The following LPA variants were observed in gnomAD, a reference collection of about 807,000 sequenced individuals.
The protein encoded by LPA is lipoprotein(a).
LPA carries 199 observed loss-of-function variants against 197.9 expected under a neutral mutation model. The observed-to-expected ratio is 1.01, with a 90% CI of 0.90 to 1.13. LPA has a LOEUF of 1.13. Ranked by LOEUF, LPA falls within the 50% of genes most tolerant of loss-of-function variation. The pLI is 0.00. For missense variants in LPA, 1,853 were observed against 1,785.8 expected (o/e 1.04, Z -0.68); for synonymous variants, 715 against 639.5 (o/e 1.12, Z -1.78).
At chr6:160,575,961 T>C (rs1778646723) in intron 28 of LPA, among the ~76,000 whole-genome samples, 1 of 152,154 alleles carries the variant, frequency 6.6e-6, no homozygotes, top group Non-Finnish European at 1.5e-5. Flanking sequence ...TGTCTCTCAG[T>C]TCATCAAGAC....
At chr6:160,540,966 G>A in intron 35 of LPA, 141 bp downstream of exon 35, 1 of 734,882 alleles carries the variant, frequency 1.4e-6, no homozygotes, top group East Asian at 2.7e-5. Context: ...TGCATTCCCT[G>A]GTTCCTAGTG....
chr6:160,548,527 A>G lies in LPA; in HGVS notation c.5106T>C (p.Ala1702=). The change falls in exon 31 of 39, where the codon GCT becomes GCC. Residue 1702 remains alanine, a synonymous_variant. Coordinates refer to ENST00000316300, the MANE Select transcript of LPA (RefSeq NM_005577.4). ...TTGGAACCTGGATGACAGTCGGAGGAGCGACCACAGTCCCTTCTGTGTCTG... is the reference window on the plus strand; with the variant it reads ...TTGGAACCTGGATGACAGTCGGAGGGGCGACCACAGTCCCTTCTGTGTCTG... ...RCSDTEGTVV[A]PPTVIQVPSL... is the part of the protein sequence containing the mutation. The G allele has an allele frequency of 1.2e-6, 2 of 1,613,998 alleles. No homozygotes were observed. The highest frequency in any genetic ancestry group is 8.5e-7 in the Non-Finnish European group (1 of 1,180,002).
chr6:160,568,824 G>A (rs1778510481), intron 28 of LPA, among the ~76,000 whole-genome samples: 1 of 152,190 alleles, frequency 6.6e-6, no homozygotes, highest in Admixed American at 6.5e-5. Context: ...AAAATCACAA[G>A]CATTCCCATA....
intron 2 of LPA, among the ~76,000 whole-genome samples, chr6:160,648,248 C>T (rs1003291514): frequency 3.3e-5 from 5 of 152,082 alleles, no homozygotes; most frequent in Non-Finnish European, 7.4e-5. Context: ...TTTGTTTTTC[C>T]CGTTCCTTAC....
rs1777919847 is a variant in LPA, at chr6:160,537,980, C to T, written c.5736-19G>A. ...GGCAGGCCTGTAAGGAAAGTATTAGCAGTTATGTTTCACTGCCCAGCTGGA... is the reference window on the plus strand; with the variant it reads ...GGCAGGCCTGTAAGGAAAGTATTAGTAGTTATGTTTCACTGCCCAGCTGGA... On this transcript the variant is annotated intron_variant, in intron 36 of 38. Coordinates refer to ENST00000316300, the MANE Select transcript of LPA (RefSeq NM_005577.4). The T allele has an allele frequency of 6.2e-7, 1 of 1,610,496 alleles. No homozygotes were observed. Among genetic ancestry groups the T allele is most frequent in the East Asian group, 2.2e-5 (1 of 44,852 alleles).
chr6:160,605,868 A>AGACCG (rs940061932), intron 17 of LPA, among the ~76,000 whole-genome samples: 22 of 152,182 alleles, frequency 1.4e-4, no homozygotes, highest in Admixed American at 7.9e-4. Flanking sequence ...CTTTCTATCC[A>AGACCG]GACCGCTCAC....
intron 34 of LPA, 60 bp from the exon 35 acceptor site, chr6:160,541,241 ACAGAAAGC>A: frequency 1.6e-6 from 2 of 1,221,284 alleles, no homozygotes. Context: ...ACTTCATTGT[ACAGAAAGC>A]CAGGAAGACA....
chr6:160,535,875 C>T (rs568127820), intron 37 of LPA, among the ~76,000 whole-genome samples: 1 of 152,314 alleles, frequency 6.6e-6, no homozygotes, highest in East Asian at 1.9e-4. Flanking sequence ...ATGATTTTAG[C>T]TTCATGCTTT....
chr6:160,584,182 CT>C (rs1778852427), intron 26 of LPA, among the ~76,000 whole-genome samples: 1 of 55,094 alleles, frequency 1.8e-5, no homozygotes, highest in Non-Finnish European at 3.3e-5. Context: ...TCTTCTTCTT[CT>C]TCTTCTTCTT....
At chr6:160,532,506 C>T (rs746788130) in intron 38 of LPA, 25 bp downstream of exon 38, 3 of 1,529,800 alleles carry the variant, frequency 2.0e-6, no homozygotes, top group Non-Finnish European at 2.7e-6. Flanking sequence ...GAGCACAAGA[C>T]TTTGATCTAT....
At chr6:160,543,609 GGC>G (rs1778019143) in intron 33 of LPA, among the ~76,000 whole-genome samples, 1 of 152,128 alleles carries the variant, frequency 6.6e-6, no homozygotes, top group Non-Finnish European at 1.5e-5. Context: ...AAAGAAGCAT[GGC>G]ATGGAATGCA....
chr6:160,656,568 G>T (rs1025583747), intron 1 of LPA, among the ~76,000 whole-genome samples: 4 of 152,188 alleles, frequency 2.6e-5, no homozygotes, highest in African/African-American at 9.7e-5. Context: ...ATCAACGTCA[G>T]CTCAGAGCCA....
chr6:160,610,376 T>C (rs559471688), intron 16 of LPA, among the ~76,000 whole-genome samples: 3 of 152,164 alleles, frequency 2.0e-5, no homozygotes, highest in African/African-American at 7.2e-5. Flanking sequence ...AATATACTAA[T>C]TGTACTTTGA....
intron 28 of LPA, among the ~76,000 whole-genome samples, chr6:160,576,367 CATATATATATATATATATATATGTAT>C (rs1778666296): frequency 3.8e-5 from 3 of 78,012 alleles, no homozygotes; most frequent in Admixed American, 1.9e-4. Context: ...TATATATATA[CATATATATATATATATATATATGTAT>C]ATATATATAT....
intron 1 of LPA, among the ~76,000 whole-genome samples, chr6:160,654,088 T>C (rs1562355094): frequency 2.8e-5 from 1 of 36,116 alleles, no homozygotes; most frequent in Non-Finnish European, 5.2e-5. Context: ...ATATTATATA[T>C]ATTATATATA....
chr6:160,568,643 T>C (rs112187960), intron 28 of LPA, among the ~76,000 whole-genome samples: 2 of 152,208 alleles, frequency 1.3e-5, no homozygotes, highest in Admixed American at 6.5e-5. Flanking sequence ...CCAGGGCAAT[T>C]AGGCAGGAGA....
intron 23 of LPA, among the ~76,000 whole-genome samples, chr6:160,590,340 G>T (rs151289870): frequency 6.6e-6 from 1 of 152,168 alleles, no homozygotes; most frequent in Non-Finnish European, 1.5e-5. Flanking sequence ...ACACAGATAC[G>T]TGTTCCATGA....
intron 31 of LPA, 69 bp downstream of exon 31, chr6:160,548,409 T>C: frequency 6.5e-7 from 1 of 1,529,456 alleles, no homozygotes; most frequent in Non-Finnish European, 9.0e-7. Context: ...GTTTTTCATG[T>C]CTTTTCATCC....
At chr6:160,565,863 C>A (rs187348423) in intron 28 of LPA, among the ~76,000 whole-genome samples, 2 of 152,000 alleles carry the variant, frequency 1.3e-5, no homozygotes, top group Non-Finnish European at 2.9e-5. Context: ...AACCATGGCA[C>A]GAGAACTACG....
Sources: allele counts gnomAD v4.1 joint callset (sites outside exome capture counted in the v4.1 genomes callset), GRCh38; gene constraint gnomAD v4.1.1; transcripts MANE v1.5; gene names NCBI Gene and HGNC (gene_info 2026-07-23, HGNC 2026-07-21).